The following TUBD1 variants were observed in gnomAD, a reference collection of about 807,000 sequenced individuals.
TUBD1 encodes the protein tubulin delta 1, also known as tubulin delta chain.
Under a neutral mutation model 51.2 loss-of-function variants are expected in TUBD1, and 38 were observed. That is an observed-to-expected ratio of 0.74 (90% CI 0.57 to 0.97). TUBD1 has a LOEUF of 0.97. Ranked by LOEUF, TUBD1 falls within the 50% of genes least tolerant of loss-of-function variation. TUBD1 has a pLI of 0.00. For missense variants in TUBD1, 489 were observed against 538.4 expected (o/e 0.91, Z 0.91); for synonymous variants, 169 against 178.2 (o/e 0.95, Z 0.41).
chr17:59,866,837 G>A (rs1264228102), intron 6 of TUBD1, 88 bp from the exon 7 acceptor site: 13 of 1,147,302 alleles, frequency 1.1e-5, no homozygotes, highest in Non-Finnish European at 1.6e-5. Context: ...AGGCTGGAGT[G>A]CAGTGGCATG....
intron 8 of TUBD1, among the ~76,000 whole-genome samples, chr17:59,861,434 A>G (rs887872414): frequency 1.5e-4 from 23 of 150,652 alleles, no homozygotes; most frequent in African/African-American, 4.9e-4. Flanking sequence ...CCTGGCCTCA[A>G]GTGATCCACC....
intron 8 of TUBD1, among the ~76,000 whole-genome samples, chr17:59,862,701 A>G (rs2039510071): frequency 1.5e-5 from 2 of 134,434 alleles, no homozygotes. Context: ...CACTATGCCA[A>G]GCTAATTTTT....
chr17:59,877,854 G>A (rs2144519402), intron 5 of TUBD1, among the ~76,000 whole-genome samples: 2 of 151,800 alleles, frequency 1.3e-5, no homozygotes. Context: ...ATCTCAACAT[G>A]GTTTCTATTA....
intron 3 of TUBD1, chr17:59,885,390 G>C: frequency 1.1e-6 from 1 of 921,654 alleles, no homozygotes; most frequent in Non-Finnish European, 1.8e-6. Context: ...TGTGTATGCA[G>C]CTGTTCGGCT....
chr17:59,860,958 G>A (rs1399451259), intron 8 of TUBD1, among the ~76,000 whole-genome samples: 2 of 151,806 alleles, frequency 1.3e-5, no homozygotes, highest in Non-Finnish European at 2.9e-5. Context: ...AGAGGCACCC[G>A]GGAAAGAGCA....
At chr17:59,863,004 G>A (rs2039532706) in intron 8 of TUBD1, among the ~76,000 whole-genome samples, 1 of 152,098 alleles carries the variant, frequency 6.6e-6, no homozygotes, top group African/African-American at 2.4e-5. Context: ...GGGATTACAG[G>A]TGTGAGCCAC....
At chr17:59,870,135 T>C (rs902897454) in intron 6 of TUBD1, among the ~76,000 whole-genome samples, 3 of 151,826 alleles carry the variant, frequency 2.0e-5, no homozygotes, top group Admixed American at 2.0e-4. Flanking sequence ...TTGAGGCATG[T>C]GGATCACTTG....
chr17:59,866,580 A>G, intron 7 of TUBD1, 29 bp downstream of exon 7: 1 of 1,611,580 alleles, frequency 6.2e-7, no homozygotes, highest in Non-Finnish European at 8.5e-7. Flanking sequence ...TACAAAATGT[A>G]AATCTTAATT....
At chr17:59,891,063 T>C (rs1158777356) in intron 1 of TUBD1, 22 bp from the exon 2 acceptor site, 1 of 1,282,040 alleles carries the variant, frequency 7.8e-7, no homozygotes, top group South Asian at 1.3e-5. Context: ...AAAAATACGC[T>C]TTGAGAACCA....
At chr17:59,879,823 G>A (rs1043420932) in intron 4 of TUBD1, among the ~76,000 whole-genome samples, 1 of 151,170 alleles carries the variant, frequency 6.6e-6, no homozygotes, top group African/African-American at 2.4e-5. Context: ...GCTTGATCTC[G>A]GCTCACTGGA....
At chr17:59,862,773 G>A (rs9747064) in intron 8 of TUBD1, among the ~76,000 whole-genome samples, 17,099 of 136,332 alleles carry the variant, frequency 0.13, 1,244 homozygotes, top group Middle Eastern at 0.26. Context: ...CGCCCAGGCT[G>A]GAGTGCAGTG....
intron 6 of TUBD1, among the ~76,000 whole-genome samples, chr17:59,869,237 A>G (rs1303499929): frequency 6.6e-6 from 1 of 151,794 alleles, no homozygotes; most frequent in Non-Finnish European, 1.5e-5. Flanking sequence ...GAACTTTGGG[A>G]GGCCAAGGCG....
At chr17:59,887,001 A>G (rs968918681) in intron 2 of TUBD1, among the ~76,000 whole-genome samples, 6 of 151,668 alleles carry the variant, frequency 4.0e-5, no homozygotes, top group Non-Finnish European at 8.8e-5. Context: ...ACTGGCCAAC[A>G]TGGTGAAAAC....
At chr17:59,867,327 TG>T (rs2039754560) in intron 6 of TUBD1, among the ~76,000 whole-genome samples, 1 of 152,070 alleles carries the variant, frequency 6.6e-6, no homozygotes, top group African/African-American at 2.4e-5. Flanking sequence ...TCATTTTTCC[TG>T]TTTAAAAGGG....
intron 3 of TUBD1, among the ~76,000 whole-genome samples, chr17:59,884,098 TA>T (rs1424538105): frequency 6.6e-6 from 1 of 151,446 alleles, no homozygotes; most frequent in Admixed American, 6.6e-5. Context: ...CAGTATCTAC[TA>T]AAAATACAAA....
intron 8 of TUBD1, among the ~76,000 whole-genome samples, chr17:59,862,333 A>T (rs984314765): frequency 2.0e-5 from 3 of 151,514 alleles, no homozygotes; most frequent in Non-Finnish European, 4.4e-5. Flanking sequence ...CAAAAAAAAA[A>T]AAGAAAAAGA....
At chr17:59,887,053 G>A (rs1451193273) in intron 2 of TUBD1, among the ~76,000 whole-genome samples, 4 of 152,098 alleles carry the variant, frequency 2.6e-5, no homozygotes, top group African/African-American at 9.7e-5. Flanking sequence ...GGGCGTGGTG[G>A]CAGGCTCCTG....
At chr17:59,865,915 AGCCTG>A (rs773941455) in intron 7 of TUBD1, among the ~76,000 whole-genome samples, 18 of 152,102 alleles carry the variant, frequency 1.2e-4, no homozygotes, top group Non-Finnish European at 2.6e-4. Flanking sequence ...GTTTGAGACC[AGCCTG>A]GCCAACATGG....
At chr17:59,887,859 TG>T (rs2040803104) in intron 2 of TUBD1, among the ~76,000 whole-genome samples, 4 of 152,086 alleles carry the variant, frequency 2.6e-5, no homozygotes, top group African/African-American at 9.7e-5. Flanking sequence ...CTTGAATTCC[TG>T]GCCTCAAGCA....
Sources: gnomAD v4.1 joint callset for allele counts (sites outside exome capture counted in the v4.1 genomes callset) on GRCh38, gnomAD v4.1.1 for gene constraint, MANE v1.5 for transcripts, NCBI Gene and HGNC (gene_info 2026-07-23, HGNC 2026-07-21) for gene names.